NUP205: variants seen among roughly 807,000 people sequenced by gnomAD.
NUP205 encodes the protein nuclear pore complex protein Nup205.
NUP205 carries 76 observed loss-of-function variants against 253.8 expected under a neutral mutation model. The ratio of observed to expected loss-of-function variants is 0.30; its 90% CI spans 0.25 to 0.36. The LOEUF (loss-of-function observed/expected upper bound fraction) is 0.36, where lower values mean the gene tolerates loss of function less well. Among genes scored for constraint, NUP205 ranks in the 10% least tolerant of loss-of-function variants. The probability of loss-of-function intolerance (pLI) is 1.00; values close to 1 mark genes in which losing one functional copy is unlikely to be tolerated. For missense variants in NUP205, 2,162 were observed against 2,425.5 expected (o/e 0.89, Z 2.28); for synonymous variants, 832 against 850.1 (o/e 0.98, Z 0.37).
intron 40 of NUP205, 110 bp from the exon 41 acceptor site, chr7:135,645,358 T>C: frequency 9.1e-7 from 1 of 1,104,966 alleles, no homozygotes; most frequent in Non-Finnish European, 1.3e-6. Context: ...ACTGAGGCTG[T>C]GGGTACCTCA....
chr7:135,578,578 G>A (rs1010915205), intron 6 of NUP205, among the ~76,000 whole-genome samples, 173 bp from the exon 7 acceptor site: 1 of 152,030 alleles, frequency 6.6e-6, no homozygotes, highest in Non-Finnish European at 1.5e-5. Context: ...TTTGTTTTTA[G>A]TATGTGTACA....
In NUP205 at chr7:135,600,199, T is replaced by C. The variant is rs563615402; in HGVS notation, c.2275-671T>C. 5.3e-5 allele frequency among the ~76,000 whole-genome samples: 8 copies of C among 152,348 alleles called. No homozygotes were observed. In the South Asian group the frequency reaches 1.7e-3, roughly 32 times the overall value. ...TTTAATTTTACTGGCTATGCAGTTG[T>C]ATATAATTTTTTTGGCATAAGTATT... is the stretch of plus-strand genomic sequence containing the variant. On this transcript the variant is annotated intron_variant, in intron 15 of 42. Coordinates refer to ENST00000285968, the MANE Select transcript of NUP205 (RefSeq NM_015135.3).
chr7:135,608,114 C>T (rs1794128377), intron 22 of NUP205, among the ~76,000 whole-genome samples: 1 of 151,582 alleles, frequency 6.6e-6, no homozygotes, highest in Non-Finnish European at 1.5e-5. Flanking sequence ...GCAACCTCCA[C>T]CTCCCAGGCT....
intron 1 of NUP205, among the ~76,000 whole-genome samples, chr7:135,562,729 G>A (rs1414721372): frequency 6.6e-6 from 1 of 151,680 alleles, no homozygotes; most frequent in South Asian, 2.1e-4. Context: ...TGTATTTTTA[G>A]TAGAGCAGGG....
chr7:135,645,529 C>T lies in NUP205; in HGVS notation c.5745C>T (p.Cys1915=), dbSNP rs766942609. ...WRHLEYYLLH[C]MPTDSQDSLF... ...ATCTGGAGTACTACTTGTTACATTGCATGCCCACGGATTCTCAAGATTCCT... is the reference window on the plus strand; with the variant it reads ...ATCTGGAGTACTACTTGTTACATTGTATGCCCACGGATTCTCAAGATTCCT... Residue 1915 remains cysteine, a synonymous_variant, in exon 41 of 43, where the codon TGC becomes TGT. Transcript: ENST00000285968. 1 of 1,613,848 alleles carries T rather than the reference C, an allele frequency of 6.2e-7. No homozygotes were observed. The highest frequency in any genetic ancestry group is 8.5e-7 in the Non-Finnish European group (1 of 1,179,724).
chr7:135,580,269 G>T (rs1458110829), intron 7 of NUP205, among the ~76,000 whole-genome samples: 1 of 152,122 alleles, frequency 6.6e-6, no homozygotes, highest in Non-Finnish European at 1.5e-5. Flanking sequence ...TGTGTTAGGA[G>T]TCTTTCTTTG....
Position 135,607,362 on chromosome 7 carries a change from A to G in NUP205, c.3186A>G (p.Leu1062=), listed in dbSNP as rs992744076. The part of the protein sequence containing the change: ...AVRESPQLAE[L]CYQVIYQLCA... ...GAGAATCTCCTCAGCTGGCTGAGCT[A>G]TGTTACCAGGTACACAGAAAACTGC... Residue 1062 remains leucine (L), a synonymous_variant, in exon 22 of 43, where the codon CTA becomes CTG. Transcript: ENST00000285968. The G allele has an allele frequency of 7.4e-6, 12 of 1,613,498 alleles. No individual in the cohort carries two copies. Among genetic ancestry groups the G allele is most frequent in the Admixed American group, 5.0e-5 (3 of 59,954 alleles).
intron 35 of NUP205, among the ~76,000 whole-genome samples, chr7:135,633,642 T>A (rs1054736971): frequency 6.6e-6 from 1 of 152,148 alleles, no homozygotes; most frequent in East Asian, 1.9e-4. Context: ...AAGGTCTCAC[T>A]ATGTTGCCCA....
At chr7:135,598,273 A>T in intron 15 of NUP205, 66 bp downstream of exon 15, 1 of 1,338,426 alleles carries the variant, frequency 7.5e-7, no homozygotes. Flanking sequence ...TCAAAAGTAT[A>T]TGGTGCTAAA....
intron 27 of NUP205, 102 bp from the exon 28 acceptor site, chr7:135,618,310 C>A: frequency 1.1e-6 from 1 of 884,668 alleles, no homozygotes; most frequent in Admixed American, 2.0e-5. Context: ...TGCTTCCTGG[C>A]ATGCATGTAG....
chr7:135,601,189 C>T (rs1793958355), intron 16 of NUP205, among the ~76,000 whole-genome samples, 181 bp from the exon 17 acceptor site: 1 of 152,104 alleles, frequency 6.6e-6, no homozygotes, highest in Middle Eastern at 3.4e-3. Context: ...AATAGAATAG[C>T]TGACTAACTG....
chr7:135,574,528 C>T (rs1432823661), intron 3 of NUP205, among the ~76,000 whole-genome samples: 1 of 151,864 alleles, frequency 6.6e-6, no homozygotes, highest in African/African-American at 2.4e-5. Context: ...GAGCAAGCAG[C>T]CAGTGCTTGA....
At chr7:135,615,704 C>A (rs1452632340) in intron 23 of NUP205, among the ~76,000 whole-genome samples, 6 of 152,120 alleles carry the variant, frequency 3.9e-5, no homozygotes, top group Non-Finnish European at 8.8e-5. Flanking sequence ...TTTAGCCCAT[C>A]TTTCGTAAAT....
Position 135,643,185 on chromosome 7 carries a change from C to T in NUP205, c.5393-7C>T, listed in dbSNP as rs373091109. 160 of 1,612,868 alleles carry T rather than the reference C, an allele frequency of 9.9e-5. No individual in the cohort carries two copies. The highest frequency in any genetic ancestry group is 1.3e-4 in the Non-Finnish European group (153 of 1,179,336). ...GGAACATTGTTTTATGTCATCACCT[C>T]TATTAGATACCCAAGCTCCAGTGGT... On this transcript the variant is annotated splice_polypyrimidine_tract_variant and splice_region_variant and intron_variant, in intron 38 of 42. Transcript: ENST00000285968.
At chr7:135,597,536 T>C in intron 14 of NUP205, 118 bp downstream of exon 14, 1 of 629,836 alleles carries the variant, frequency 1.6e-6, no homozygotes, top group Non-Finnish European at 2.7e-6. Context: ...GTATTTTTAT[T>C]TGAAGGGTTT....
intron 10 of NUP205, among the ~76,000 whole-genome samples, chr7:135,590,169 T>C (rs1340030408): frequency 1.3e-5 from 2 of 151,208 alleles, no homozygotes; most frequent in East Asian, 3.9e-4. Flanking sequence ...TGGAGTGCAA[T>C]GGCCTGATCT....
rs1234774535 is a variant in NUP205 at position 135,635,640 on chromosome 7, C to T, written c.5119C>T (p.His1707Tyr). Residue 1707 changes from histidine (H) to tyrosine (Y), a missense_variant, in exon 36 of 43, where the codon CAT (histidine) becomes TAT (tyrosine). By Grantham distance (83) the His-to-Tyr change is moderately conservative. Transcript: ENST00000285968. The part of the protein sequence containing the change: ...NEGSLMELQG[H>Y]IGRFQRQCLG... ...AGGGTCTCTAATGGAGCTACAGGGACATATTGGAAGATTCCAGGTAACTGA... is the reference window on the plus strand; with the variant it reads ...AGGGTCTCTAATGGAGCTACAGGGATATATTGGAAGATTCCAGGTAACTGA... The T allele has an allele frequency of 1.3e-6, 2 of 1,582,212 alleles. 1 individual carries two copies. The highest frequency in any genetic ancestry group is 2.3e-5 in the South Asian group (2 of 88,470).
rs765035244 is a variant in NUP205 at position 135,643,317 on chromosome 7, C to T, written c.5518C>T (p.Leu1840=). 6.2e-7 allele frequency: 1 copy of T among 1,614,046 alleles called. No homozygotes were observed. The highest frequency in any genetic ancestry group is 1.1e-5 in the South Asian group (1 of 91,084). ...CAGTCATCGACAGAGTGTCAGCAAG[C>T]TACAAAATGTAGAGCAGCTTCCCCC... ...YDSHRQSVSK[L]QNVEQLPPDE... is the part of the protein sequence containing the mutation. Residue 1840 remains leucine, a synonymous_variant, in exon 39 of 43, where the codon CTA becomes TTA. Transcript: ENST00000285968.
chr7:135,628,178 T>TACA (rs1794635304), intron 34 of NUP205, 67 bp downstream of exon 34: 6 of 1,470,256 alleles, frequency 4.1e-6, no homozygotes, highest in Non-Finnish European at 5.6e-6. Context: ...ACAGAAACCT[T>TACA]ACACACATAG....
Sources: gnomAD v4.1 joint callset for allele counts (sites outside exome capture counted in the v4.1 genomes callset) on GRCh38, gnomAD v4.1.1 for gene constraint, MANE v1.5 for transcripts, NCBI Gene and HGNC (gene_info 2026-07-23, HGNC 2026-07-21) for gene names.